CCDC171: variants seen among roughly 807,000 people sequenced by gnomAD.
CCDC171 encodes the protein coiled-coil domain containing 171.
In CCDC171, 177 loss-of-function variants were observed where a neutral mutation model predicts 168.2. That is an observed-to-expected ratio of 1.05 (90% CI 0.93 to 1.19). The LOEUF (loss-of-function observed/expected upper bound fraction) is 1.19. CCDC171 is among the 50% of genes most tolerant of loss of function. CCDC171 has a pLI of 0.00. For missense variants in CCDC171, 1,991 were observed against 1,539.0 expected (o/e 1.29, Z -4.91); for synonymous variants, 687 against 540.8 (o/e 1.27, Z -3.75).
chr9:15,720,613 A>G (rs1453358700), intron 11 of CCDC171, among the ~76,000 whole-genome samples: 1 of 152,240 alleles, frequency 6.6e-6, no homozygotes, highest in South Asian at 2.1e-4. Flanking sequence ...AATATTTTCA[A>G]TGTGAATATT....
At chr9:15,938,579 G>A (rs1242514012) in intron 25 of CCDC171, among the ~76,000 whole-genome samples, 1 of 151,828 alleles carries the variant, frequency 6.6e-6, no homozygotes, top group African/African-American at 2.4e-5. Context: ...AATTGAAAGT[G>A]TACATCCTTC....
At chr9:15,932,124 C>CT (rs528817114) in intron 25 of CCDC171, among the ~76,000 whole-genome samples, 15 of 151,612 alleles carry the variant, frequency 9.9e-5, no homozygotes, top group African/African-American at 2.9e-4. Context: ...AATTTTAGCA[C>CT]TTTTTTTTCC....
chr9:15,969,778 A>T (rs1831162462), intron 25 of CCDC171, among the ~76,000 whole-genome samples: 1 of 152,184 alleles, frequency 6.6e-6, no homozygotes. Context: ...AAGTTAGTAG[A>T]TGGCACTGTA....
At chr9:15,691,541 GTTTTTTAT>G (rs1424378458) in intron 10 of CCDC171, among the ~76,000 whole-genome samples, 9 of 114,826 alleles carry the variant, frequency 7.8e-5, no homozygotes, top group South Asian at 2.9e-4. Flanking sequence ...GTAAATATAT[GTTTTTTAT>G]ATATATATAT....
chr9:15,650,034 T>C (rs1183641625), intron 7 of CCDC171, among the ~76,000 whole-genome samples: 1 of 151,978 alleles, frequency 6.6e-6, no homozygotes, highest in Non-Finnish European at 1.5e-5. Context: ...ATTAAGAAAA[T>C]GTGGCAGATA....
At chr9:15,845,260 G>A (rs1215868459) in intron 21 of CCDC171, among the ~76,000 whole-genome samples, 1 of 151,962 alleles carries the variant, frequency 6.6e-6, no homozygotes, top group Non-Finnish European at 1.5e-5. Flanking sequence ...TTTAAAGTTG[G>A]TTTGAATCAG....
intron 6 of CCDC171, among the ~76,000 whole-genome samples, chr9:15,618,277 T>C (rs1473337848): frequency 6.6e-6 from 1 of 152,184 alleles, no homozygotes; most frequent in African/African-American, 2.4e-5. Flanking sequence ...TTTGCTGTGG[T>C]GACTGTGCCC....
intron 11 of CCDC171, among the ~76,000 whole-genome samples, chr9:15,710,709 C>T (rs2052600844): frequency 6.6e-6 from 1 of 152,166 alleles, no homozygotes; most frequent in African/African-American, 2.4e-5. Context: ...GATTCTCCTG[C>T]CTCATCCTCC....
chr9:15,993,083 G>A (rs145500204), intron 3 of CCDC171, among the ~76,000 whole-genome samples: 2,710 of 152,094 alleles, frequency 0.018, 97 homozygotes, highest in African/African-American at 0.063. Context: ...TCACAGAATT[G>A]GAAAAAACTA....
intron 23 of CCDC171, 100 bp from the exon 24 acceptor site, chr9:15,874,432 G>A (rs1013643861): frequency 1.6e-5 from 15 of 926,898 alleles, no homozygotes; most frequent in African/African-American, 5.1e-5. Flanking sequence ...CAGGTCCAGC[G>A]ATCAATGCAA....
At position 15,591,380 on chromosome 9, in the gene CCDC171, C is replaced by T. The variant is rs1353670073; in HGVS notation, c.367C>T (p.Leu123Phe). 1 of 1,599,132 alleles carries T rather than the reference C, an allele frequency of 6.3e-7. No homozygotes were observed. The highest frequency in any genetic ancestry group is 8.5e-7 in the Non-Finnish European group (1 of 1,173,630). Residue 123 changes from leucine (L) to phenylalanine (F), a missense_variant, in exon 5 of 26, where the codon CTT (leucine) becomes TTT (phenylalanine). Transcript: ENST00000380701. Reference sequence around the variant, plus strand: ...ATTCTTAATAGCACAGAATTCAGAACTTCAAGCAAAGACAAATGAGACTGA... The same window carrying T: ...ATTCTTAATAGCACAGAATTCAGAATTTCAAGCAAAGACAAATGAGACTGA... ...QEKLCAQNSE[L>F]QAKTNETEKA...
chr9:16,102,488 TGG>T, the CCDC171 span, among the ~76,000 whole-genome samples: 1,117 of 50,130 alleles, frequency 0.022, 20 homozygotes, highest in African/African-American at 0.061. Context: ...AAACGTGTGT[TGG>T]GGGGGGGCGG....
intron 21 of CCDC171, among the ~76,000 whole-genome samples, chr9:15,790,667 T>G (rs184230245): frequency 1.3e-5 from 2 of 152,336 alleles, no homozygotes; most frequent in African/African-American, 4.8e-5. Flanking sequence ...ATGAAGTCCT[T>G]GCCCATGCCT....
intron 3 of CCDC171, among the ~76,000 whole-genome samples, chr9:16,017,739 T>C (rs1232291199): frequency 6.6e-6 from 1 of 152,228 alleles, no homozygotes; most frequent in Non-Finnish European, 1.5e-5. Flanking sequence ...TTGGGTGAAC[T>C]TGAAATCAGT....
chr9:15,805,141 T>C (rs181187444), intron 21 of CCDC171, among the ~76,000 whole-genome samples: 1 of 152,088 alleles, frequency 6.6e-6, no homozygotes, highest in Non-Finnish European at 1.5e-5. Flanking sequence ...ATCTTCTCTC[T>C]TCTTTATTAG....
intron 3 of CCDC171, among the ~76,000 whole-genome samples, chr9:16,011,310 A>T (rs950029878): frequency 6.6e-6 from 1 of 152,164 alleles, no homozygotes; most frequent in African/African-American, 2.4e-5. Context: ...TATCCTGTTT[A>T]TGCTGCCATC....
chr9:15,951,567 A>G (rs1260163409), intron 25 of CCDC171, among the ~76,000 whole-genome samples: 1 of 151,870 alleles, frequency 6.6e-6, no homozygotes, highest in African/African-American at 2.4e-5. Context: ...TAGCCGTTCT[A>G]ATGGGTAGGA....
chr9:16,101,516 A>C, the CCDC171 span, among the ~76,000 whole-genome samples: 1 of 152,250 alleles, frequency 6.6e-6, no homozygotes, highest in East Asian at 1.9e-4. Flanking sequence ...ACTACATGGC[A>C]AAAGGGATTT....
At chr9:16,086,867 T>C in the CCDC171 span, among the ~76,000 whole-genome samples, 1 of 152,260 alleles carries the variant, frequency 6.6e-6, no homozygotes, top group Non-Finnish European at 1.5e-5. Flanking sequence ...TGTGGGCATT[T>C]AGTGCTATAA....
Sources: gnomAD v4.1 joint callset for allele counts (sites outside exome capture counted in the v4.1 genomes callset) on GRCh38, gnomAD v4.1.1 for gene constraint, MANE v1.5 for transcripts, NCBI Gene and HGNC (gene_info 2026-07-23, HGNC 2026-07-21) for gene names.